Variants in SNHG17 observed in about 807,000 individuals in gnomAD.
SNHG17 encodes small nucleolar RNA host gene 17, also known as small nucleolar RNA host gene 17 (non-protein coding).
chr20:38,431,765 G>A (rs1456409384), intron 2 of SNHG17, among the ~76,000 whole-genome samples: 3 of 152,180 alleles, frequency 2.0e-5, no homozygotes, highest in Non-Finnish European at 4.4e-5. Context: ...CAGCTTTTGA[G>A]TCAGATATTC....
intron 3 of SNHG17, chr20:38,427,558 C>A: frequency 3.6e-6 from 1 of 274,704 alleles, no homozygotes. Flanking sequence ...TGTAAAATCC[C>A]ATAAAACCTA....
At chr20:38,424,958 C>G (rs1450274027) in intron 5 of SNHG17, 2 of 255,606 alleles carry the variant, frequency 7.8e-6, no homozygotes, top group South Asian at 8.5e-5. Flanking sequence ...GTGGAGGTTA[C>G]TGGGGGAAGG....
At chr20:38,422,358 A>T (rs2084169848) in intron 5 of SNHG17, 1 of 152,308 alleles carries the variant, frequency 6.6e-6, no homozygotes, top group Non-Finnish European at 1.5e-5. Context: ...CTCTGCACAC[A>T]GCAGACCCAT....
chr20:38,424,151 C>T (rs2084204583), intron 5 of SNHG17, among the ~76,000 whole-genome samples: 1 of 141,934 alleles, frequency 7.0e-6, no homozygotes, highest in Non-Finnish European at 1.5e-5. Context: ...GCCTGGGCAA[C>T]AGAGCAAGAC....
At chr20:38,427,348 C>CCTCCAAA (rs2084267292) in intron 3 of SNHG17, 3 of 518,094 alleles carry the variant, frequency 5.8e-6, no homozygotes, top group Non-Finnish European at 1.2e-5. Flanking sequence ...TAGGGTGGAC[C>CCTCCAAA]CTCCAAACAC....
intron 3 of SNHG17, chr20:38,429,436 T>C (rs1415504853): frequency 2.6e-5 from 6 of 233,290 alleles, no homozygotes; most frequent in Non-Finnish European, 4.2e-5. Flanking sequence ...AGGGGCTGGA[T>C]AAGGACGTGG....
intron 5 of SNHG17, among the ~76,000 whole-genome samples, chr20:38,424,920 T>A (rs1386028313): frequency 6.6e-6 from 1 of 152,150 alleles, no homozygotes; most frequent in Non-Finnish European, 1.5e-5. Flanking sequence ...CATGTAACAA[T>A]AGCTTCTTAG....
At chr20:38,424,697 A>G (rs1476731906) in intron 5 of SNHG17, among the ~76,000 whole-genome samples, 1 of 152,150 alleles carries the variant, frequency 6.6e-6, no homozygotes, top group Non-Finnish European at 1.5e-5. Context: ...ACCAGTGCTG[A>G]GAGGTGGGAA....
chr20:38,426,217 G>T (rs1181806988), intron 4 of SNHG17, among the ~76,000 whole-genome samples: 1 of 151,852 alleles, frequency 6.6e-6, no homozygotes, highest in Non-Finnish European at 1.5e-5. Context: ...AGAGCCCAAG[G>T]GGAGCTCTGT....
chr20:38,434,195 C>T (rs2084390314), intron 2 of SNHG17, among the ~76,000 whole-genome samples: 1 of 152,192 alleles, frequency 6.6e-6, no homozygotes, highest in South Asian at 2.1e-4. Flanking sequence ...ACATTCAGCC[C>T]ACCAGTTCTG....
intron 3 of SNHG17, among the ~76,000 whole-genome samples, chr20:38,430,121 A>C (rs1211949058): frequency 6.6e-6 from 1 of 152,028 alleles, no homozygotes; most frequent in Non-Finnish European, 1.5e-5. Context: ...GCTTGAGACC[A>C]GCCTGTCCAA....
intron 3 of SNHG17, chr20:38,427,503 C>T: frequency 2.1e-6 from 1 of 469,612 alleles, no homozygotes; most frequent in South Asian, 1.6e-5. Flanking sequence ...TGTGGGATGA[C>T]CCAAGTCAGG....
intron 1 of SNHG17, chr20:38,434,871 A>G: frequency 3.0e-6 from 3 of 985,442 alleles, no homozygotes; most frequent in Non-Finnish European, 3.6e-6. Flanking sequence ...GGAGGCTTCC[A>G]ATGCCAGGAG....
intron 6 of SNHG17, chr20:38,421,892 G>C (rs2084161167): frequency 6.6e-6 from 1 of 152,226 alleles, no homozygotes; most frequent in South Asian, 2.1e-4. Flanking sequence ...GTCCTTCTAA[G>C]ACCCCAAAAG....
chr20:38,434,844 AAC>A, intron 1 of SNHG17: 1 of 985,444 alleles, frequency 1.0e-6, no homozygotes. Flanking sequence ...CTTTGTAGGC[AAC>A]AGTCAAGTGG....
intron 1 of SNHG17, chr20:38,434,952 G>A: frequency 8.1e-7 from 1 of 1,228,152 alleles, no homozygotes; most frequent in Non-Finnish European, 1.0e-6. Flanking sequence ...TCCCCGCAGA[G>A]TAGCTGCGCG....
chr20:38,430,245 C>T (rs948751561), intron 3 of SNHG17, among the ~76,000 whole-genome samples: 4 of 151,912 alleles, frequency 2.6e-5, no homozygotes, highest in South Asian at 2.1e-4. Flanking sequence ...CATTTGAACC[C>T]GGGAAGTGGA....
In SNHG17 at chr20:38,434,960, G is replaced by A. The variant is rs930337035; in HGVS notation, n.185+237C>T. Reference sequence around the variant, plus strand: ...CTAAGCCTCCCCGCAGAGTAGCTGCGCGGACAGGGGGTCTGACGACCGCAC... The same window carrying A: ...CTAAGCCTCCCCGCAGAGTAGCTGCACGGACAGGGGGTCTGACGACCGCAC... On this transcript the variant is annotated intron_variant and non_coding_transcript_variant, in intron 1 of 8. Transcript: ENST00000654008. 8.1e-6 allele frequency: 10 copies of A among 1,228,298 alleles called. No homozygotes were observed. The East Asian group carries it at 2.2e-4, about 27-fold the overall frequency. 76.1% of individuals were successfully genotyped at this position (1,228,298 alleles called of 1,614,324 possible). A position where few individuals can be genotyped will look rare whatever the true frequency, so the allele number is the denominator to read the frequency against.
intron 5 of SNHG17, among the ~76,000 whole-genome samples, chr20:38,425,684 A>G (rs2084234526): frequency 6.6e-6 from 1 of 152,166 alleles, no homozygotes; most frequent in Non-Finnish European, 1.5e-5. Flanking sequence ...TGCTTCCCTC[A>G]TAAGAGAATG....
Sources: gnomAD v4.1 joint callset for allele counts (sites outside exome capture counted in the v4.1 genomes callset) on GRCh38, gnomAD v4.1.1 for gene constraint, MANE v1.5 for transcripts, NCBI Gene and HGNC (gene_info 2026-07-23, HGNC 2026-07-21) for gene names.